POT1: variants seen among roughly 807,000 people sequenced by gnomAD.
POT1 encodes protection of telomeres 1.
Under a neutral mutation model 78.5 loss-of-function variants are expected in POT1, and 47 were observed. The ratio of observed to expected loss-of-function variants is 0.60; its 90% confidence interval spans 0.47 to 0.76. The LOEUF (loss-of-function observed/expected upper bound fraction) is 0.76. Ranked by LOEUF, POT1 falls within the 30% of genes least tolerant of loss-of-function variation. The pLI is 0.00. For synonymous variants in POT1, 259 were observed against 260.7 expected (o/e 0.99, Z 0.06); for missense variants, 646 against 749.9 (o/e 0.86, Z 1.62).
At chr7:124,846,866 A>T (rs1375272522) in intron 12 of POT1, 76 bp downstream of exon 12, 1 of 1,010,416 alleles carries the variant, frequency 9.9e-7, no homozygotes, top group Non-Finnish European at 1.5e-6. Context: ...AAAGAAATGG[A>T]TTAGCTGGTA....
intron 5 of POT1, among the ~76,000 whole-genome samples, chr7:124,895,095 C>G (rs978790936): frequency 6.6e-6 from 1 of 151,578 alleles, no homozygotes; most frequent in African/African-American, 2.4e-5. Context: ...TAGAACAGTA[C>G]TATCCAAGAT....
At position 124,851,950 on chromosome 7, in the gene POT1, C is replaced by G; in HGVS notation, c.871G>C (p.Asp291His). 6.3e-7 allele frequency: 1 copy of G among 1,595,982 alleles called. No homozygotes were observed. The highest frequency in any genetic ancestry group is 8.6e-7 in the Non-Finnish European group (1 of 1,164,344). The change falls in exon 11 of 19, where the codon GAT becomes CAT. Residue 291 changes from aspartate to histidine, a missense_variant and splice_region_variant. Around this residue, in one of 2 missense-constraint regions of POT1, gnomAD observed 394 missense variants for 408.4 expected, o/e 0.96. Coordinates refer to ENST00000357628, the MANE Select transcript of POT1 (RefSeq NM_015450.3). Reference sequence around the variant, plus strand: ...GCTGTCAAATTTGCAGATTCTAAATCCCTATAATTGAAAGAATACAATTTC... The same window carrying G: ...GCTGTCAAATTTGCAGATTCTAAATGCCTATAATTGAAAGAATACAATTTC... ...SNSDVDQLKK[D>H]LESANLTANQ...
At chr7:124,864,228 C>A (rs1003020510) in intron 7 of POT1, among the ~76,000 whole-genome samples, 3 of 152,114 alleles carry the variant, frequency 2.0e-5, no homozygotes, top group Non-Finnish European at 4.4e-5. Context: ...AAAACTCTCT[C>A]GTAGTAATAT....
At chr7:124,849,709 A>G (rs1183517015) in intron 11 of POT1, among the ~76,000 whole-genome samples, 1 of 152,166 alleles carries the variant, frequency 6.6e-6, no homozygotes, top group Non-Finnish European at 1.5e-5. Context: ...AAAAACTGGT[A>G]ACGATCTCAA....
rs779435986 is a variant in POT1, at chr7:124,842,896, T to C, written c.1074A>G (p.Gln358=). 3.1e-6 allele frequency: 5 copies of C among 1,609,368 alleles called. No homozygotes were observed. The highest frequency in any genetic ancestry group is 4.2e-6 in the Non-Finnish European group (5 of 1,178,268). The stretch of plus-strand genomic sequence containing the variant: ...TCAATTTTGCTCGGATGCGGTATTG[T>C]TGAGGAGCTTTTTGTTTCAAAATGG... ...LCAILKQKAP[Q]QYRIRAKLRS... is the part of the protein sequence containing the mutation. The change falls in exon 13 of 19, where the codon CAA becomes CAG. Residue 358 remains glutamine, a synonymous_variant. Transcript: ENST00000357628.
chr7:124,919,127 A>G (rs1037992521), intron 2 of POT1, among the ~76,000 whole-genome samples: 1 of 152,184 alleles, frequency 6.6e-6, no homozygotes, highest in Non-Finnish European at 1.5e-5. Context: ...CTTTTAAGCT[A>G]TAAACCTGTA....
intron 2 of POT1, among the ~76,000 whole-genome samples, chr7:124,918,010 C>T (rs1200607183): frequency 6.6e-6 from 1 of 152,162 alleles, no homozygotes; most frequent in Non-Finnish European, 1.5e-5. Flanking sequence ...TCTGGTGCTA[C>T]TCTCAGAAAC....
chr7:124,868,407 A>T (rs1192223281), intron 7 of POT1, among the ~76,000 whole-genome samples: 2 of 152,150 alleles, frequency 1.3e-5, no homozygotes, highest in Non-Finnish European at 2.9e-5. Context: ...CCCCATTAAC[A>T]TTGCCTTAAA....
intron 6 of POT1, among the ~76,000 whole-genome samples, chr7:124,876,335 C>CTTTTTT (rs144187475): frequency 0.042 from 6,367 of 152,140 alleles, 329 homozygotes; most frequent in African/African-American, 0.12. Context: ...CATTCAAAAA[C>CTTTTTT]TTTAAAAGGT....
chr7:124,862,122 T>C (rs1795612608), intron 8 of POT1, among the ~76,000 whole-genome samples: 1 of 152,172 alleles, frequency 6.6e-6, no homozygotes, highest in South Asian at 2.1e-4. Flanking sequence ...TATTTTAAAC[T>C]AACAGTTACG....
At chr7:124,926,423 G>C (rs898082935) in intron 2 of POT1, among the ~76,000 whole-genome samples, 1 of 151,984 alleles carries the variant, frequency 6.6e-6, no homozygotes, top group African/African-American at 2.4e-5. Context: ...GTATTAAAAA[G>C]ACAAAGAAAA....
intron 2 of POT1, among the ~76,000 whole-genome samples, chr7:124,918,934 G>A (rs1284625703): frequency 6.6e-6 from 1 of 152,032 alleles, no homozygotes; most frequent in East Asian, 1.9e-4. Flanking sequence ...CACTCTGAAT[G>A]GGGAGGATGG....
chr7:124,830,028 T>C (rs1290906027), intron 15 of POT1, among the ~76,000 whole-genome samples: 1 of 152,148 alleles, frequency 6.6e-6, no homozygotes, highest in African/African-American at 2.4e-5. Context: ...AAATTCAAAG[T>C]GTTAATAAAT....
At chr7:124,922,603 A>G (rs1797178936) in intron 2 of POT1, among the ~76,000 whole-genome samples, 1 of 151,970 alleles carries the variant, frequency 6.6e-6, no homozygotes, top group South Asian at 2.1e-4. Context: ...CTTAGTAAGG[A>G]TGTATATTGT....
At chr7:124,870,511 G>A (rs979684541) in intron 7 of POT1, among the ~76,000 whole-genome samples, 11 of 151,994 alleles carry the variant, frequency 7.2e-5, no homozygotes, top group Admixed American at 2.0e-4. Flanking sequence ...CACAAGAAAT[G>A]GGAAAGAATA....
rs369613595 is a variant in POT1 at position 124,871,174 on chromosome 7, G to A, written c.125-133C>T. 1.4e-4 allele frequency: 93 copies of A among 683,640 alleles called. No homozygotes were observed. In the African/African-American group the frequency reaches 1.6e-3, roughly 12 times the overall value. 42.3% of individuals were successfully genotyped at this position (683,640 alleles called of 1,614,324 possible). On this transcript the variant is annotated intron_variant, in intron 6 of 18. Coordinates refer to ENST00000357628, the MANE Select transcript of POT1 (RefSeq NM_015450.3). ...AGTCTTCTAAGAGGATTAAAACAGA[G>A]ACATTTTCTTGGCTTTCAATACACA...
intron 2 of POT1, among the ~76,000 whole-genome samples, chr7:124,925,572 C>T (rs1797254360): frequency 6.6e-6 from 1 of 152,044 alleles, no homozygotes; most frequent in South Asian, 2.1e-4. Flanking sequence ...TATCAAATTA[C>T]TGATGTCATT....
At chr7:124,832,201 A>G (rs1031708281) in intron 15 of POT1, among the ~76,000 whole-genome samples, 3 of 140,592 alleles carry the variant, frequency 2.1e-5, no homozygotes, top group Admixed American at 1.5e-4. Context: ...CAAGGCTACA[A>G]TGAGCTGAAA....
At chr7:124,846,564 C>G (rs1474971927) in intron 12 of POT1, among the ~76,000 whole-genome samples, 1 of 151,940 alleles carries the variant, frequency 6.6e-6, no homozygotes, top group African/African-American at 2.4e-5. Flanking sequence ...TTAAATGCAT[C>G]ATGTGACAGG....
Sources: allele counts gnomAD v4.1 joint callset (sites outside exome capture counted in the v4.1 genomes callset), GRCh38; gene constraint gnomAD v4.1.1; regional missense constraint gnomAD v4.1.1; transcripts MANE v1.5; gene names NCBI Gene and HGNC (gene_info 2026-07-23, HGNC 2026-07-21).